Variants in ZFP62 observed in about 807,000 individuals in gnomAD.
ZFP62 encodes the protein ZFP62 zinc finger protein, also known as zinc finger protein 62 homolog.
In ZFP62, 44 loss-of-function variants were observed where a neutral mutation model predicts 56.4. The ratio of observed to expected loss-of-function variants is 0.78; its 90% confidence interval spans 0.61 to 1.00. The LOEUF (loss-of-function observed/expected upper bound fraction) is 1.00. Among genes scored for constraint, ZFP62 ranks in the 50% least tolerant of loss-of-function variants. The pLI, the probability that ZFP62 is intolerant of heterozygous loss-of-function variation, is 0.00. For missense variants in ZFP62, 1,030 were observed against 1,085.7 expected (o/e 0.95, Z 0.72); for synonymous variants, 421 against 388.9 (o/e 1.08, Z -0.97).
the ZFP62 span, among the ~76,000 whole-genome samples, chr5:180,837,110 T>C: frequency 6.6e-6 from 1 of 152,174 alleles, no homozygotes; most frequent in Non-Finnish European, 1.5e-5. Flanking sequence ...TCCCAGTCTC[T>C]ATTTCAGGCC....
At position 180,848,327 on chromosome 5, in the gene ZFP62, T is replaced by A. The variant is rs767822947; in HGVS notation, c.*465A>T. The A allele has an allele frequency of 4.1e-6, 4 of 986,706 alleles. No homozygotes were observed. The highest frequency in any genetic ancestry group is 4.8e-6 in the Non-Finnish European group (4 of 830,936). The allele number at this position is 986,706 out of a possible 1,614,324, so 61.1% of individuals were successfully genotyped here. ...ATAAATTTATATTCCCTGAAACCTATCCTCCCTGAATTTGCCTGTTGGAGG... is the reference window on the plus strand; with the variant it reads ...ATAAATTTATATTCCCTGAAACCTAACCTCCCTGAATTTGCCTGTTGGAGG... On this transcript the variant is annotated 3_prime_UTR_variant, in exon 2 of 2. Coordinates refer to ENST00000502412, the MANE Select transcript of ZFP62 (RefSeq NM_001172638.2).
chr5:180,849,332 T>C lies in ZFP62; in HGVS notation c.2163A>G (p.Arg721=), dbSNP rs763714820. The change falls in exon 2 of 2, where the codon AGA becomes AGG. Residue 721 remains arginine, a synonymous_variant. Coordinates refer to ENST00000502412, the MANE Select transcript of ZFP62 (RefSeq NM_001172638.2). ...TGAAGGGTTTCTCCCCAAGATGGACTCTTTTATGGCTTATAAGAGTTCTGC... is the reference window on the plus strand; with the variant it reads ...TGAAGGGTTTCTCCCCAAGATGGACCCTTTTATGGCTTATAAGAGTTCTGC... The part of the protein sequence containing the change: ...FSSRTLISHK[R]VHLGEKPFKC... The C allele has an allele frequency of 1.5e-5, 23 of 1,551,976 alleles. No individual in the cohort carries two copies. Among genetic ancestry groups the C allele is most frequent in the Non-Finnish European group, 1.0e-5 (12 of 1,147,096 alleles).
intron 1 of ZFP62, among the ~76,000 whole-genome samples, chr5:180,854,114 C>G (rs1215305298): frequency 6.6e-6 from 1 of 152,108 alleles, no homozygotes; most frequent in Non-Finnish European, 1.5e-5. Context: ...CATTCTGGGT[C>G]TACTATTACC....
the ZFP62 span, among the ~76,000 whole-genome samples, chr5:180,840,789 T>TTGTGTGTG: frequency 1.4e-3 from 204 of 146,554 alleles, no homozygotes; most frequent in African/African-American, 4.8e-3. Context: ...CTAAAACAAT[T>TTGTGTGTG]TGTGTGTGTG....
chr5:180,849,369 G>A lies in ZFP62; in HGVS notation c.2126C>T (p.Ala709Val), dbSNP rs1205118701. 13 of 1,551,030 alleles carry A rather than the reference G, an allele frequency of 8.4e-6. No individual in the cohort carries two copies. The highest frequency in any genetic ancestry group is 1.1e-5 in the Non-Finnish European group (13 of 1,146,652). Reference sequence around the variant, plus strand: ...TATAAGAGTTCTGCTTGAGAAAAAAGCTTTTCCACATTCATCACATGTATG... The same window carrying A: ...TATAAGAGTTCTGCTTGAGAAAAAAACTTTTCCACATTCATCACATGTATG... Reference protein sequence around the residue: ...TPHTCDECGKAFFSSRTLISH... With the variant: ...TPHTCDECGKVFFSSRTLISH... Residue 709 changes from alanine to valine, a missense_variant, in exon 2 of 2, where the codon GCT becomes GTT. Physicochemically the swap from Ala to Val is moderately conservative, Grantham distance 64 (BLOSUM62 0). Coordinates refer to ENST00000502412, the MANE Select transcript of ZFP62 (RefSeq NM_001172638.2).
chr5:180,852,000 A>C (rs1341187411), intron 1 of ZFP62: 1 of 987,144 alleles, frequency 1.0e-6, no homozygotes. Flanking sequence ...GGGGAGGGGT[A>C]TCAGGGAGAA....
intron 1 of ZFP62, among the ~76,000 whole-genome samples, chr5:180,857,327 TTTTG>T (rs3029575): frequency 0.67 from 102,358 of 151,704 alleles, 36,891 homozygotes; most frequent in East Asian, 0.96. Flanking sequence ...TGAGTACTAT[TTTTG>T]TTTAAGCATT....
chr5:180,848,458 G>C lies in ZFP62; in HGVS notation c.*334C>G. The C allele has an allele frequency of 9.6e-7, 1 of 1,037,406 alleles. No homozygotes were observed. Among genetic ancestry groups the C allele is most frequent in the Non-Finnish European group, 1.2e-6 (1 of 863,844 alleles). 64.3% of individuals were successfully genotyped at this position (1,037,406 alleles called of 1,614,324 possible). ...TACCAAACATGAACTTTCTGATGGT[G>C]ATTACGTAACTTCTAATTGAAGCCC... On this transcript the variant is annotated 3_prime_UTR_variant, in exon 2 of 2. Coordinates refer to ENST00000502412, the MANE Select transcript of ZFP62 (RefSeq NM_001172638.2).
chr5:180,852,389 A>G (rs1773759266), intron 1 of ZFP62, among the ~76,000 whole-genome samples: 1 of 152,116 alleles, frequency 6.6e-6, no homozygotes, highest in Non-Finnish European at 1.5e-5. Flanking sequence ...AGCCGTCTCT[A>G]GTAAAAATAC....
chr5:180,854,047 T>C (rs911966153), intron 1 of ZFP62, among the ~76,000 whole-genome samples: 3 of 152,332 alleles, frequency 2.0e-5, no homozygotes, highest in Non-Finnish European at 4.4e-5. Flanking sequence ...CCTAGTTCTG[T>C]TTGCTGAAAG....
rs1054542934 is a variant in ZFP62 at position 180,847,634 on chromosome 5, T to C, written c.*1158A>G. The C allele has an allele frequency of 2.0e-6, 2 of 985,326 alleles. No individual in the cohort carries two copies. Among genetic ancestry groups the C allele is most frequent in the Admixed American group, 6.1e-5 (1 of 16,272 alleles). 61.0% of individuals were successfully genotyped at this position (985,326 alleles called of 1,614,324 possible). A position where few individuals can be genotyped will look rare whatever the true frequency, so the allele number is the denominator to read the frequency against. ...CGTTTTGATTTAAGGAATTTCTTTA[T>C]TGGAATTCCACTTTACCTCGCCACA... On this transcript the variant is annotated 3_prime_UTR_variant, in exon 2 of 2. Transcript: ENST00000502412.
Position 180,851,415 on chromosome 5 carries a change from C to A in ZFP62, c.80G>T (p.Trp27Leu). 2 of 1,551,594 alleles carry A rather than the reference C, an allele frequency of 1.3e-6. No homozygotes were observed. The highest frequency in any genetic ancestry group is 1.7e-6 in the Non-Finnish European group (2 of 1,146,968). ...YENVGNAASK[W>L]PKVEDPMPES... ...AGGCATAGGATCCTCCACTTTTGGC[C>A]ACTTAGATGCTGCATTTCCAACATT... The change falls in exon 2 of 2, where the codon TGG (tryptophan) becomes TTG (leucine). Residue 27 changes from tryptophan to leucine, a missense_variant. By Grantham distance (61) the Trp-to-Leu change is moderately conservative (BLOSUM62 -2). Coordinates refer to ENST00000502412, the MANE Select transcript of ZFP62 (RefSeq NM_001172638.2).
chr5:180,842,066 G>A, the ZFP62 span, among the ~76,000 whole-genome samples: 1 of 152,084 alleles, frequency 6.6e-6, no homozygotes. Context: ...GGAAGCAAAT[G>A]AAAAGTCTAT....
the ZFP62 span, among the ~76,000 whole-genome samples, chr5:180,832,446 C>T: frequency 1.3e-5 from 2 of 152,204 alleles, no homozygotes; most frequent in Non-Finnish European, 2.9e-5. Context: ...AGCCACTGCG[C>T]CTGGGCTTCC....
chr5:180,844,072 T>C (rs371271831), downstream of ZFP62, among the ~76,000 whole-genome samples: 135 of 152,320 alleles, frequency 8.9e-4, no homozygotes, highest in African/African-American at 3.2e-3. Flanking sequence ...ACATCAGAGG[T>C]TTACCAATTT....
At chr5:180,851,917 CTTTT>C in intron 1 of ZFP62, 1 of 715,918 alleles carries the variant, frequency 1.4e-6, no homozygotes, top group Non-Finnish European at 1.7e-6. Flanking sequence ...TTAGGTAAAA[CTTTT>C]TTTTATTATG....
chr5:180,849,105 T>A lies in ZFP62; in HGVS notation c.2390A>T (p.His797Leu). ...CDECGKAYIS[H>L]SSLINHKSVH... is the part of the protein sequence containing the mutation. ...ACTTTTATGATTGATAAGACTTGAG[T>A]GTGAGATGTATGCCTTCCCACACTC... Residue 797 changes from histidine (H) to leucine (L), a missense_variant, in exon 2 of 2, where the codon CAC (histidine) becomes CTC (leucine). His to Leu is a moderately conservative substitution (Grantham distance 99). Transcript: ENST00000502412. The A allele has an allele frequency of 6.4e-7, 1 of 1,555,332 alleles. No individual in the cohort carries two copies. Among genetic ancestry groups the A allele is most frequent in the Non-Finnish European group, 8.7e-7 (1 of 1,149,260 alleles).
the ZFP62 span, chr5:180,832,899 C>G: frequency 1.3e-5 from 2 of 152,240 alleles, no homozygotes; most frequent in African/African-American, 4.8e-5. Flanking sequence ...AACCGCTGTT[C>G]TAGGAGCTGG....
the ZFP62 span, among the ~76,000 whole-genome samples, chr5:180,839,303 A>C: frequency 2.0e-5 from 3 of 152,208 alleles, no homozygotes; most frequent in Admixed American, 1.3e-4. Context: ...GGTGATACTG[A>C]GGCTGGTTCA....
Sources: gnomAD v4.1 joint callset for allele counts (sites outside exome capture counted in the v4.1 genomes callset) on GRCh38, gnomAD v4.1.1 for gene constraint, MANE v1.5 for transcripts, NCBI Gene and HGNC (gene_info 2026-07-23, HGNC 2026-07-21) for gene names.